The following LRRC37A2 variants were observed in gnomAD, a reference collection of about 807,000 sequenced individuals.
LRRC37A2 encodes leucine-rich repeat-containing protein 37A2.
LRRC37A2 carries 9 observed loss-of-function variants against 68.8 expected under a neutral mutation model. The observed-to-expected ratio is 0.13, with a 90% CI of 0.08 to 0.23. The LOEUF is 0.23. Ranked by LOEUF, LRRC37A2 falls within the 10% of genes least tolerant of loss-of-function variation. The pLI is 1.00. For missense variants in LRRC37A2, 168 were observed against 950.4 expected (o/e 0.18, Z 10.82); for synonymous variants, 63 against 367.6 (o/e 0.17, Z 9.48).
the LRRC37A2 span, among the ~76,000 whole-genome samples, chr17:46,902,943 G>A: frequency 6.6e-6 from 1 of 152,200 alleles, no homozygotes; most frequent in Non-Finnish European, 1.5e-5. Context: ...CAGTTGAAGG[G>A]AAGTTCTGCC....
the LRRC37A2 span, chr17:46,939,769 A>T: frequency 1.0e-6 from 1 of 987,666 alleles, no homozygotes; most frequent in Non-Finnish European, 1.2e-6. Context: ...CAGGGACTAC[A>T]ACCTTTTTCC....
At chr17:46,972,234 G>T in the LRRC37A2 span, among the ~76,000 whole-genome samples, 5 of 152,244 alleles carry the variant, frequency 3.3e-5, no homozygotes, top group African/African-American at 9.6e-5. Context: ...CCCGCCACCC[G>T]CTTCTTCCTC....
chr17:46,597,760 C>A, the LRRC37A2 span, among the ~76,000 whole-genome samples: 1 of 110,186 alleles, frequency 9.1e-6, no homozygotes, highest in Admixed American at 9.2e-5. Flanking sequence ...TGAATTTTAT[C>A]AAATGTTTTT....
At chr17:46,719,519 C>T in the LRRC37A2 span, among the ~76,000 whole-genome samples, 1 of 152,198 alleles carries the variant, frequency 6.6e-6, no homozygotes, top group Non-Finnish European at 1.5e-5. This position sits in a 1 kb window ranked among gnomAD's most constrained non-coding sequence, Gnocchi z 4.3. Context: ...CATGGATAAA[C>T]TCCTCAAAAC....
At chr17:46,996,131 T>C in the LRRC37A2 span, among the ~76,000 whole-genome samples, 14 of 152,194 alleles carry the variant, frequency 9.2e-5, no homozygotes, top group Admixed American at 3.3e-4. Context: ...GCTTCTGCCC[T>C]GGGCCTGCCA....
chr17:46,946,554 A>G, the LRRC37A2 span, among the ~76,000 whole-genome samples: 1 of 151,580 alleles, frequency 6.6e-6, no homozygotes, highest in Non-Finnish European at 1.5e-5. Context: ...CAGCCCTTAA[A>G]CAGAAAAGTA....
chr17:46,516,195 C>T (rs879123404), intron 2 of LRRC37A2, among the ~76,000 whole-genome samples: 1 of 148,590 alleles, frequency 6.7e-6, no homozygotes, highest in African/African-American at 2.5e-5. Flanking sequence ...CCCAGCTACT[C>T]GGGAGGCTGA....
chr17:46,959,649 A>C, the LRRC37A2 span, among the ~76,000 whole-genome samples: 1 of 152,256 alleles, frequency 6.6e-6, no homozygotes, highest in East Asian at 1.9e-4. Flanking sequence ...TCCCATGGAT[A>C]GCAGTCCCCT....
the LRRC37A2 span, among the ~76,000 whole-genome samples, chr17:46,744,126 G>T: frequency 6.6e-6 from 1 of 152,098 alleles, no homozygotes; most frequent in Non-Finnish European, 1.5e-5. Context: ...GTTTGTATTT[G>T]CGAGTGTGTT....
chr17:46,979,272 G>T, the LRRC37A2 span: 1 of 314,068 alleles, frequency 3.2e-6, no homozygotes, highest in Non-Finnish European at 6.1e-6. Flanking sequence ...GTCGCCCGCT[G>T]GGTTCCTCGC....
the LRRC37A2 span, among the ~76,000 whole-genome samples, chr17:46,732,035 T>C: frequency 6.6e-6 from 1 of 152,206 alleles, no homozygotes; most frequent in Non-Finnish European, 1.5e-5. Flanking sequence ...AGCATATAGT[T>C]TTTTCAGATG....
the LRRC37A2 span, among the ~76,000 whole-genome samples, chr17:46,774,809 C>G: frequency 6.6e-6 from 1 of 152,234 alleles, no homozygotes; most frequent in Non-Finnish European, 1.5e-5. Context: ...CCGTTCCCTG[C>G]CCTCAGCACA....
chr17:46,876,538 T>C, the LRRC37A2 span: 2 of 1,613,658 alleles, frequency 1.2e-6, no homozygotes, highest in Non-Finnish European at 1.7e-6. Context: ...AGTACTCACC[T>C]GGCACAGCAG....
the LRRC37A2 span, among the ~76,000 whole-genome samples, chr17:46,902,937 T>C: frequency 7.9e-5 from 12 of 152,124 alleles, no homozygotes; most frequent in Non-Finnish European, 1.8e-4. Context: ...CAATGACAGT[T>C]GAAGGGAAGT....
the LRRC37A2 span, among the ~76,000 whole-genome samples, chr17:47,020,178 AACCCAGATCTATTTATTAGCTTGGTG>A: frequency 1.3e-5 from 2 of 150,226 alleles, no homozygotes; most frequent in Non-Finnish European, 2.9e-5. Flanking sequence ...CCTGGGTTTG[AACCCAGATCTATTTATTAGCTTGGTG>A]ACCCAGAGCA....
At chr17:46,768,112 T>C in the LRRC37A2 span, among the ~76,000 whole-genome samples, 8 of 152,328 alleles carry the variant, frequency 5.3e-5, 1 homozygote, top group South Asian at 1.7e-3. The surrounding 1 kb of genome is among the most constrained non-coding windows in gnomAD (Gnocchi z 5.0). Flanking sequence ...ATCTGTGCTT[T>C]GTGCAATCCA....
At chr17:46,777,040 T>A in the LRRC37A2 span, among the ~76,000 whole-genome samples, 249 of 152,022 alleles carry the variant, frequency 1.6e-3, 1 homozygote, top group African/African-American at 5.7e-3. Context: ...CAAAGCCCAT[T>A]ATACAGATGA....
At chr17:46,875,224 G>C in the LRRC37A2 span, 19 of 1,614,104 alleles carry the variant, frequency 1.2e-5, no homozygotes, top group Admixed American at 3.0e-4. Flanking sequence ...GGGCTGGAGA[G>C]CCGGCAGGCC....
chr17:46,782,241 A>C, the LRRC37A2 span, among the ~76,000 whole-genome samples: 1 of 152,216 alleles, frequency 6.6e-6, no homozygotes, highest in Non-Finnish European at 1.5e-5. Flanking sequence ...TAAGACTCTG[A>C]TCTGAAGATC....
Sources: allele counts gnomAD v4.1 joint callset (sites outside exome capture counted in the v4.1 genomes callset), GRCh38; gene constraint gnomAD v4.1.1; non-coding constraint Gnocchi (gnomAD v3.1); transcripts MANE v1.5; gene names NCBI Gene and HGNC (gene_info 2026-07-23, HGNC 2026-07-21).